NRAP: variants seen among roughly 807,000 people sequenced by gnomAD.
The protein encoded by NRAP is nebulin-related-anchoring protein.
Under a neutral mutation model 225.9 loss-of-function variants are expected in NRAP, and 189 were observed. That is an observed-to-expected ratio of 0.84 (90% CI 0.74 to 0.94). The LOEUF is 0.94. NRAP is among the 40% of genes least tolerant of loss of function. The pLI is 0.00. For missense variants in NRAP, 2,176 were observed against 2,168.7 expected, an observed-to-expected ratio of 1.00 and a Z score of -0.07; for synonymous variants, 769 against 790.7, an observed-to-expected ratio of 0.97 and a Z score of 0.46.
chr10:113,647,412 G>T (rs1849583736), intron 9 of NRAP, among the ~76,000 whole-genome samples: 1 of 150,964 alleles, frequency 6.6e-6, no homozygotes, highest in African/African-American at 2.4e-5. Context: ...CCCAGTGGCA[G>T]ATCTATGTAG....
chr10:113,625,450 C>G (rs527985045), intron 21 of NRAP, among the ~76,000 whole-genome samples: 2 of 152,316 alleles, frequency 1.3e-5, no homozygotes, highest in East Asian at 1.9e-4. Context: ...CTCTCCACCC[C>G]CAACTTGAGT....
At chr10:113,600,155 T>TTCTCTCTCTCTCTCTCTC (rs10529111) in intron 35 of NRAP, among the ~76,000 whole-genome samples, 3,501 of 140,112 alleles carry the variant, frequency 0.025, 91 homozygotes, top group Non-Finnish European at 0.035. Flanking sequence ...AGGGGTTATA[T>TTCTCTCTCTCTCTCTCTC]TCTCTCTCTC....
Position 113,657,567 on chromosome 10 carries a change from T to C in NRAP, c.263A>G (p.Asp88Gly). Reference sequence around the variant, plus strand: ...TTTACACTGTTCACCATCTTCTTGGTCATGGATCTGCTCAAGGAAGATGTT... The same window carrying C: ...TTTACACTGTTCACCATCTTCTTGGCCATGGATCTGCTCAAGGAAGATGTT... ...TFPEAISGIH[D>G]QEDGEQCKSV... is the part of the protein sequence containing the mutation. Residue 88 changes from aspartate (D) to glycine (G), a missense_variant, in exon 4 of 42, where the codon GAC (aspartate) becomes GGC (glycine). Around this residue, in one of 3 missense-constraint regions of NRAP, gnomAD observed 1,708 missense variants for 1,695.5 expected, o/e 1.01. Coordinates refer to ENST00000359988, the MANE Select transcript of NRAP (RefSeq NM_198060.4). 6.5e-7 allele frequency: 1 copy of C among 1,541,978 alleles called. No individual in the cohort carries two copies. The highest frequency in any genetic ancestry group is 1.4e-5 in the African/African-American group (1 of 73,682).
rs1459002455 is a variant in NRAP at position 113,604,789 on chromosome 10, C to G, written c.4047G>C (p.Gly1349=). 2 of 1,614,166 alleles carry G rather than the reference C, an allele frequency of 1.2e-6. No individual in the cohort carries two copies. Among genetic ancestry groups the G allele is most frequent in the Admixed American group, 1.7e-5 (1 of 60,026 alleles). The change falls in exon 35 of 42, where the codon GGG becomes GGC. Residue 1349 remains glycine, a synonymous_variant. Transcript: ENST00000359988. ...QLQSELQYRR[G]ATSSQAQFHL... ...GGAACTGGGCTTGGCTGCTGGTCGC[C>G]CCCCTCCTGTACTGAAGCTCGCTCT... is the stretch of plus-strand genomic sequence containing the variant.
intron 9 of NRAP, among the ~76,000 whole-genome samples, chr10:113,648,338 G>A (rs1403289595): frequency 6.6e-6 from 1 of 151,728 alleles, no homozygotes; most frequent in African/African-American, 2.4e-5. Flanking sequence ...AGTAAAAAAA[G>A]GTTAAGTTTT....
chr10:113,651,556 T>C (rs891638933), intron 7 of NRAP, among the ~76,000 whole-genome samples: 2 of 152,178 alleles, frequency 1.3e-5, no homozygotes, highest in African/African-American at 4.8e-5. Context: ...GTGTTCTCAT[T>C]GCTCAGCTCC....
At chr10:113,645,774 A>C (rs748100088) in intron 11 of NRAP, 51 bp downstream of exon 11, 11 of 931,316 alleles carry the variant, frequency 1.2e-5, no homozygotes, top group Admixed American at 4.1e-5. Flanking sequence ...CACTGACTAT[A>C]GGAGATAAAA....
At chr10:113,605,631 T>C in intron 34 of NRAP, 131 bp downstream of exon 34, 4 of 675,974 alleles carry the variant, frequency 5.9e-6, no homozygotes, top group East Asian at 5.1e-5. Context: ...ATAACTAATA[T>C]ATTCTGCAGG....
rs80304193 is a variant in NRAP at position 113,643,050 on chromosome 10, A to G, written c.1111-12T>C. On this transcript the variant is annotated splice_polypyrimidine_tract_variant and intron_variant, in intron 11 of 41. Coordinates refer to ENST00000359988, the MANE Select transcript of NRAP (RefSeq NM_198060.4). ...TTCTTATACTCCACCTTGGAAATCA[A>G]AACACCAGACACACAATAGAACCAA... 3.2e-4 allele frequency: 417 copies of G among 1,318,158 alleles called. 5 individuals are homozygous for G. The African/African-American group carries it at 5.3e-3, about 17-fold the overall frequency. The allele number at this position is 1,318,158 out of a possible 1,614,324, so 81.7% of individuals were successfully genotyped here. A position where few individuals can be genotyped will look rare whatever the true frequency, so the allele number is the denominator to read the frequency against.
At position 113,604,811 on chromosome 10, in the gene NRAP, C is replaced by T. The variant is rs754686692; in HGVS notation, c.4025G>A (p.Ser1342Asn). 3.0e-5 allele frequency: 49 copies of T among 1,614,084 alleles called. No homozygotes were observed. Among genetic ancestry groups the T allele is most frequent in the Non-Finnish European group, 4.0e-5 (47 of 1,180,054 alleles). The change falls in exon 35 of 42, where the codon AGC becomes AAC. Residue 1342 changes from serine to asparagine, a missense_variant. By Grantham distance (46) the Ser-to-Asn change is conservative. This residue lies in a region of NRAP where 1,708 missense variants were observed against 1,695.5 expected (regional missense o/e 1.01). Coordinates refer to ENST00000359988, the MANE Select transcript of NRAP (RefSeq NM_198060.4). Reference protein sequence around the residue: ...QHCRRMGQLQSELQYRRGATS... With the variant: ...QHCRRMGQLQNELQYRRGATS... Reference sequence around the variant, plus strand: ...CGCCCCCCTCCTGTACTGAAGCTCGCTCTGCAGCTGGCCCATGCGCCGGCA... The same window carrying T: ...CGCCCCCCTCCTGTACTGAAGCTCGTTCTGCAGCTGGCCCATGCGCCGGCA...
intron 17 of NRAP, 70 bp from the exon 18 acceptor site, chr10:113,631,680 A>C (rs945435884): frequency 3.7e-6 from 4 of 1,080,050 alleles, no homozygotes; most frequent in Non-Finnish European, 5.6e-6. Context: ...TCTGGTTTTA[A>C]CAAGTGCAAG....
rs375857328 is a variant in NRAP, at chr10:113,663,929, T to A, written c.-47A>T. The A allele has an allele frequency of 2.8e-6, 4 of 1,430,700 alleles. No individual in the cohort carries two copies. In the African/African-American group the frequency reaches 4.2e-5, roughly 15 times the overall value. 88.6% of individuals were successfully genotyped at this position (1,430,700 alleles called of 1,614,324 possible). On this transcript the variant is annotated 5_prime_UTR_variant, in exon 1 of 42. Coordinates refer to ENST00000359988, the MANE Select transcript of NRAP (RefSeq NM_198060.4). ...ACAAAGATAGGCAACAGGCAAGAAA[T>A]GCAAGGAGAACCCCCAGTCTAGTTC... is the stretch of plus-strand genomic sequence containing the variant.
intron 26 of NRAP, among the ~76,000 whole-genome samples, chr10:113,616,042 CAGTGAACGCCCCACTCATAGTA>C (rs1847644825): frequency 6.6e-6 from 1 of 152,178 alleles, no homozygotes; most frequent in African/African-American, 2.4e-5. Context: ...GCATTCCCCT[CAGTGAACGCCCCACTCATAGTA>C]AACTGCTGAG....
intron 23 of NRAP, 85 bp from the exon 24 acceptor site, chr10:113,622,265 C>A (rs1848043233): frequency 1.1e-6 from 1 of 882,692 alleles, no homozygotes; most frequent in Admixed American, 2.2e-5. Context: ...GGAGCTGAAA[C>A]AAAGCCATTG....
intron 4 of NRAP, among the ~76,000 whole-genome samples, chr10:113,655,215 G>A (rs79093498): frequency 6.6e-6 from 1 of 152,184 alleles, no homozygotes; most frequent in East Asian, 1.9e-4. Context: ...CTCACACACT[G>A]CCTTTGGGAG....
At chr10:113,606,928 C>T (rs116621092) in intron 32 of NRAP, among the ~76,000 whole-genome samples, 3,018 of 152,034 alleles carry the variant, frequency 0.02, 46 homozygotes, top group African/African-American at 0.033. Flanking sequence ...TAGGGCCAGG[C>T]GTGGTGGTTC....
intron 22 of NRAP, 44 bp from the exon 23 acceptor site, chr10:113,623,680 AGGGT>A: frequency 1.1e-5 from 14 of 1,306,772 alleles, no homozygotes; most frequent in African/African-American, 1.5e-5. Context: ...TTCATGTGAG[AGGGT>A]TCTCACGTGA....
In NRAP at chr10:113,629,583, C is replaced by T. The variant is rs1156943967; in HGVS notation, c.2040+5G>A. 1.0e-5 allele frequency: 16 copies of T among 1,596,364 alleles called. 1 individual carries two copies. The East Asian group carries it at 2.2e-4, about 22-fold the overall frequency. On this transcript the variant is annotated splice_donor_5th_base_variant and intron_variant, in intron 19 of 41. Transcript: ENST00000359988. ...ATGAAGAGAACTGATAATGTGTGGG[C>T]TCACCTCGCTCTGGAGCCCATAGGC...
rs1425098161 is a variant in NRAP, at chr10:113,588,841, TTA to T, written c.*132_*133del. 1.1e-5 allele frequency: 8 copies of T among 698,962 alleles called. No individual in the cohort carries two copies. Among genetic ancestry groups the T allele is most frequent in the Non-Finnish European group, 1.8e-5 (7 of 391,498 alleles). 43.3% of individuals were successfully genotyped at this position (698,962 alleles called of 1,614,324 possible). On this transcript the variant is annotated 3_prime_UTR_variant, in exon 42 of 42. Transcript: ENST00000359988. ...CAACATTCTCCATCTGCTTTCAGAGTTATTATTTTAATAAAGGAAGATCTGGG... is the reference window on the plus strand; with the variant it reads ...CAACATTCTCCATCTGCTTTCAGAGTTTATTTTAATAAAGGAAGATCTGGG...
Sources: allele counts gnomAD v4.1 joint callset (sites outside exome capture counted in the v4.1 genomes callset), GRCh38; gene constraint gnomAD v4.1.1; regional missense constraint gnomAD v4.1.1; transcripts MANE v1.5; gene names NCBI Gene and HGNC (gene_info 2026-07-23, HGNC 2026-07-21).